Variants in PRKG1 observed in about 807,000 individuals in gnomAD.
The protein encoded by PRKG1 is cGMP-dependent protein kinase 1.
A neutral mutation model predicts 88.1 loss-of-function variants in PRKG1; 35 were observed. That is an observed-to-expected ratio of 0.40 (90% CI 0.30 to 0.53). The LOEUF (loss-of-function observed/expected upper bound fraction) is 0.53, where lower values mean the gene tolerates loss of function less well. Ranked by LOEUF, PRKG1 falls within the 20% of genes least tolerant of loss-of-function variation. PRKG1 has a pLI of 0.59. For synonymous variants in PRKG1, 303 were observed against 292.5 expected (o/e 1.04, Z -0.37); for missense variants, 540 against 839.8 (o/e 0.64, Z 4.41).
chr10:51,481,868 C>T (rs572365235), intron 3 of PRKG1, among the ~76,000 whole-genome samples: 3 of 152,092 alleles, frequency 2.0e-5, no homozygotes, highest in South Asian at 2.1e-4. Flanking sequence ...GTGAACAGAA[C>T]GTCAAGCTCA....
intron 2 of PRKG1, among the ~76,000 whole-genome samples, chr10:51,251,847 A>T: frequency 6.6e-6 from 1 of 151,810 alleles, no homozygotes; most frequent in East Asian, 1.9e-4. Context: ...ATCTTGAGTT[A>T]ATCAGCTACC....
At chr10:52,023,753 T>C (rs1394842915) in intron 5 of PRKG1, among the ~76,000 whole-genome samples, 1 of 152,254 alleles carries the variant, frequency 6.6e-6, no homozygotes, top group East Asian at 1.9e-4. Context: ...GCTCACTTTT[T>C]GATGGGGTTG....
chr10:51,900,781 T>C (rs1841963116), intron 4 of PRKG1, among the ~76,000 whole-genome samples: 1 of 152,146 alleles, frequency 6.6e-6, no homozygotes, highest in Non-Finnish European at 1.5e-5. Context: ...TTTTAAATCA[T>C]TTTCTAGTAA....
chr10:51,916,249 G>A (rs1001145866), intron 5 of PRKG1, among the ~76,000 whole-genome samples: 1 of 152,086 alleles, frequency 6.6e-6, no homozygotes, highest in African/African-American at 2.4e-5. Flanking sequence ...AATAAAACAG[G>A]TTTCAGTAAA....
intron 2 of PRKG1, among the ~76,000 whole-genome samples, chr10:51,440,850 A>T (rs1205761871): frequency 6.6e-6 from 1 of 151,974 alleles, no homozygotes; most frequent in South Asian, 2.1e-4. Context: ...CAACTAAAAC[A>T]GCCAAGAAGG....
chr10:51,421,979 G>A (rs573696434), intron 2 of PRKG1, among the ~76,000 whole-genome samples: 8 of 152,258 alleles, frequency 5.3e-5, no homozygotes, highest in South Asian at 2.1e-4. Context: ...TTGAAGATGC[G>A]AAGACAGCAT....
At chr10:52,006,100 CAAA>C (rs35009632) in intron 5 of PRKG1, among the ~76,000 whole-genome samples, 1 of 150,084 alleles carries the variant, frequency 6.7e-6, no homozygotes, top group African/African-American at 2.5e-5. Flanking sequence ...AACAAACAAA[CAAA>C]AAAAACAAGT....
At chr10:51,689,024 A>C (rs913101511) in intron 3 of PRKG1, among the ~76,000 whole-genome samples, 1 of 152,054 alleles carries the variant, frequency 6.6e-6, no homozygotes, top group Non-Finnish European at 1.5e-5. Flanking sequence ...GTATCCCTGC[A>C]CAAGCTCTCT....
At chr10:51,654,832 C>A (rs1202326530) in intron 3 of PRKG1, among the ~76,000 whole-genome samples, 1 of 152,050 alleles carries the variant, frequency 6.6e-6, no homozygotes, top group Admixed American at 6.6e-5. Context: ...GTTCACTGTT[C>A]TAAATTTCTC....
intron 9 of PRKG1, among the ~76,000 whole-genome samples, chr10:52,232,129 C>T (rs957456519): frequency 1.3e-5 from 2 of 151,776 alleles, no homozygotes; most frequent in East Asian, 3.9e-4. Flanking sequence ...ATGGTGAAAC[C>T]CCATCTCTAC....
At chr10:51,369,742 T>C (rs577387969) in intron 2 of PRKG1, among the ~76,000 whole-genome samples, 25 of 152,212 alleles carry the variant, frequency 1.6e-4, no homozygotes, top group African/African-American at 5.8e-4. Flanking sequence ...ACCACCTTTA[T>C]TAAATAGAGG....
At chr10:51,287,035 G>A (rs907897179) in intron 2 of PRKG1, among the ~76,000 whole-genome samples, 5 of 152,030 alleles carry the variant, frequency 3.3e-5, no homozygotes, top group Non-Finnish European at 5.9e-5. Flanking sequence ...ATGCCACCAC[G>A]CTTTGCTAAC....
intron 4 of PRKG1, among the ~76,000 whole-genome samples, chr10:51,827,888 C>A (rs1289554098): frequency 1.3e-5 from 2 of 152,088 alleles, no homozygotes; most frequent in Non-Finnish European, 2.9e-5. Flanking sequence ...ATTCTGACAA[C>A]TGGATACCTG....
chr10:51,506,053 G>A (rs1841192003), intron 3 of PRKG1, among the ~76,000 whole-genome samples: 1 of 152,080 alleles, frequency 6.6e-6, no homozygotes, highest in East Asian at 1.9e-4. Flanking sequence ...AAGAAATGGG[G>A]AAAGGATTCC....
chr10:51,823,368 T>C (rs1033692538), intron 4 of PRKG1, among the ~76,000 whole-genome samples: 2 of 152,180 alleles, frequency 1.3e-5, no homozygotes, highest in Non-Finnish European at 2.9e-5. Flanking sequence ...TGCTTCTGTA[T>C]GGCATATAGG....
chr10:51,553,211 A>G (rs1295681858), intron 3 of PRKG1, among the ~76,000 whole-genome samples: 1 of 151,694 alleles, frequency 6.6e-6, no homozygotes. Context: ...TTTAAGAGGT[A>G]CAGGAAGGAG....
chr10:51,661,128 T>C (rs565950685), intron 3 of PRKG1, among the ~76,000 whole-genome samples: 1 of 152,070 alleles, frequency 6.6e-6, no homozygotes, highest in African/African-American at 2.4e-5. Context: ...TATAGGAGAC[T>C]AGGTATTCAA....
chr10:51,772,297 C>T (rs1285919748), intron 3 of PRKG1, among the ~76,000 whole-genome samples: 1 of 151,986 alleles, frequency 6.6e-6, no homozygotes, highest in South Asian at 2.1e-4. Flanking sequence ...AATAAGTGTG[C>T]AAAGGTATGT....
chr10:51,105,416 A>G (rs1266283869), intron 1 of PRKG1, among the ~76,000 whole-genome samples: 1 of 152,190 alleles, frequency 6.6e-6, no homozygotes, highest in Non-Finnish European at 1.5e-5. Context: ...GTGATGAAGG[A>G]GGGAGATAAA....
Sources: gnomAD v4.1 joint callset for allele counts (sites outside exome capture counted in the v4.1 genomes callset) on GRCh38, gnomAD v4.1.1 for gene constraint, MANE v1.5 for transcripts, NCBI Gene and HGNC (gene_info 2026-07-23, HGNC 2026-07-21) for gene names.